Variants in DOCK8 observed in about 807,000 individuals in gnomAD.
The protein encoded by DOCK8 is dedicator of cytokinesis protein 8.
In DOCK8, 141 loss-of-function variants were observed where a neutral mutation model predicts 245.6. The observed-to-expected ratio is 0.57, with a 90% CI of 0.50 to 0.66. The LOEUF is 0.66. Among genes scored for constraint, DOCK8 ranks in the 30% least tolerant of loss-of-function variants. DOCK8 has a pLI of 0.00. For missense variants in DOCK8, 2,965 were observed against 2,603.4 expected, an observed-to-expected ratio of 1.14 and a Z score of -3.02; for synonymous variants, 1,168 against 970.2, an observed-to-expected ratio of 1.20 and a Z score of -3.79.
At chr9:366,878 T>G (rs2053027049) in intron 14 of DOCK8, among the ~76,000 whole-genome samples, 1 of 152,154 alleles carries the variant, frequency 6.6e-6, no homozygotes, top group Non-Finnish European at 1.5e-5. Context: ...AAGGCAAACT[T>G]GTCCCTGAGA....
At chr9:308,860 T>C (rs2049968245) in intron 5 of DOCK8, among the ~76,000 whole-genome samples, 3 of 152,170 alleles carry the variant, frequency 2.0e-5, no homozygotes, top group Admixed American at 1.3e-4. Context: ...GGTTTCACCA[T>C]GTTAGCCAGG....
intron 14 of DOCK8, among the ~76,000 whole-genome samples, chr9:341,460 G>T (rs2051586598): frequency 6.6e-6 from 1 of 152,180 alleles, no homozygotes; most frequent in African/African-American, 2.4e-5. Context: ...ATCCAGAAAT[G>T]ACATTGTTGT....
At chr9:446,128 T>A (rs1204427080) in intron 43 of DOCK8, among the ~76,000 whole-genome samples, 1 of 152,230 alleles carries the variant, frequency 6.6e-6, no homozygotes, top group African/African-American at 2.4e-5. Context: ...GCTAGGAAGG[T>A]GCGGCCGGTG....
At chr9:448,028 T>A (rs575747273) in intron 44 of DOCK8, among the ~76,000 whole-genome samples, 1 of 122,756 alleles carries the variant, frequency 8.1e-6, no homozygotes, top group Non-Finnish European at 1.9e-5. Flanking sequence ...CTTTTCTTCA[T>A]TCCTGCCTTC....
In DOCK8 at chr9:275,600, AT is replaced by A. The variant is rs1397076106; in HGVS notation, c.156+3877del. 3.3e-5 allele frequency among the ~76,000 whole-genome samples: 5 copies of A among 152,228 alleles called. No homozygotes were observed. In the East Asian group the frequency reaches 9.6e-4, roughly 29 times the overall value. ...ATTTATTTATTTAAAATTTTAATGTATTTTTTGAGATGGAGTCTCGCTCTGT... is the reference window on the plus strand; with the variant it reads ...ATTTATTTATTTAAAATTTTAATGTATTTTTGAGATGGAGTCTCGCTCTGT... On this transcript the variant is annotated intron_variant, in intron 2 of 47. Transcript: ENST00000432829.
chr9:371,238 T>C (rs1005645725), intron 16 of DOCK8, among the ~76,000 whole-genome samples, 190 bp from the exon 17 acceptor site: 1 of 152,162 alleles, frequency 6.6e-6, no homozygotes, highest in Non-Finnish European at 1.5e-5. Flanking sequence ...TGAACAGTTT[T>C]ATGTAAGGGA....
chr9:304,210 A>G (rs913800733), intron 4 of DOCK8, among the ~76,000 whole-genome samples: 2 of 152,224 alleles, frequency 1.3e-5, no homozygotes, highest in Non-Finnish European at 2.9e-5. Context: ...TTTATCTTCA[A>G]ACGATCTCTA....
chr9:405,804 T>C (rs989153814), intron 27 of DOCK8, among the ~76,000 whole-genome samples: 23 of 152,252 alleles, frequency 1.5e-4, no homozygotes, highest in Non-Finnish European at 1.5e-5. Context: ...ATATGCCATA[T>C]GGCATGATCC....
In DOCK8 at chr9:399,194, T is replaced by C. The variant is rs557751601; in HGVS notation, c.3169T>C (p.Tyr1057His). Residue 1057 changes from tyrosine to histidine, a missense_variant, in exon 26 of 48, where the codon TAT becomes CAT. Tyr to His is a moderately conservative substitution (Grantham distance 83, BLOSUM62 2). Around this residue, in one of 3 missense-constraint regions of DOCK8, gnomAD observed 2,825 missense variants for 2,453.5 expected, o/e 1.15. Coordinates refer to ENST00000432829, the MANE Select transcript of DOCK8 (RefSeq NM_203447.4). Reference sequence around the variant, plus strand: ...GAACATCAGCCTGGCTTTCTTCTTGTATGACCTTCTCTCCCTCATGGATCG... The same window carrying C: ...GAACATCAGCCTGGCTTTCTTCTTGCATGACCTTCTCTCCCTCATGGATCG... ...KMNISLAFFL[Y>H]DLLSLMDRGF... 34 of 1,613,982 alleles carry C rather than the reference T, an allele frequency of 2.1e-5. 1 individual carries two copies. The South Asian group carries it at 3.5e-4, about 17-fold the overall frequency.
intron 21 of DOCK8, among the ~76,000 whole-genome samples, chr9:381,934 T>G (rs900671646): frequency 8.0e-5 from 12 of 150,762 alleles, no homozygotes; most frequent in African/African-American, 3.0e-4. Flanking sequence ...CACTCCAGCC[T>G]GGAGGACAAA....
intron 30 of DOCK8, chr9:420,158 G>C (rs532209186): frequency 1.1e-5 from 6 of 566,806 alleles, no homozygotes; most frequent in African/African-American, 7.5e-5. Flanking sequence ...GTGGCTGAAA[G>C]CCTAGCTCAA....
rs990080067 is a variant in DOCK8, at chr9:367,877, C to G, written c.1680-141C>G. 1.7e-5 allele frequency: 12 copies of G among 695,960 alleles called. No homozygotes were observed. In the African/African-American group the frequency reaches 2.1e-4, roughly 12 times the overall value. The allele number at this position is 695,960 out of a possible 1,614,324, so 43.1% of individuals were successfully genotyped here. On this transcript the variant is annotated intron_variant, in intron 14 of 47. Transcript: ENST00000432829. ...GAGGAAGAATCAAGTAATTCACTCC[C>G]CCCAATAATAATTCACTTCTGAGAG...
chr9:244,296 AC>A (rs1161516756), intron 1 of DOCK8, among the ~76,000 whole-genome samples: 1 of 151,912 alleles, frequency 6.6e-6, no homozygotes, highest in East Asian at 1.9e-4. Context: ...ACACACACGC[AC>A]ACACATATAT....
At chr9:284,900 A>G (rs1230446191) in intron 2 of DOCK8, among the ~76,000 whole-genome samples, 2 of 152,196 alleles carry the variant, frequency 1.3e-5, no homozygotes, top group African/African-American at 4.8e-5. Flanking sequence ...ATGAGAACTT[A>G]CCAACACAAA....
intron 26 of DOCK8, among the ~76,000 whole-genome samples, chr9:400,294 ACCACCATCTTCACCG>A (rs2054818705): frequency 4.8e-4 from 35 of 72,638 alleles, no homozygotes; most frequent in Non-Finnish European, 8.3e-4. Flanking sequence ...CTTCACCACC[ACCACCATCTTCACCG>A]TCACCACCAC....
chr9:236,908 A>G (rs1395349534), intron 1 of DOCK8, among the ~76,000 whole-genome samples: 1 of 152,150 alleles, frequency 6.6e-6, no homozygotes, highest in African/African-American at 2.4e-5. Context: ...AAATACCTCC[A>G]CTCAACACTG....
chr9:365,588 C>A, intron 14 of DOCK8: 1 of 417,338 alleles, frequency 2.4e-6, no homozygotes. Context: ...TTTTTTTTTT[C>A]AGAGAAGTCT....
At chr9:340,735 T>C in intron 14 of DOCK8, 1 of 189,534 alleles carries the variant, frequency 5.3e-6, no homozygotes, top group South Asian at 1.0e-4. Flanking sequence ...CTTCCTAAGT[T>C]TCAGGGAAAT....
intron 9 of DOCK8, among the ~76,000 whole-genome samples, chr9:330,444 A>T (rs2130845013): frequency 6.6e-6 from 1 of 152,290 alleles, no homozygotes; most frequent in East Asian, 1.9e-4. Context: ...TTTACAATCC[A>T]GTTAAAAAAA....
Sources: gnomAD v4.1 joint callset for allele counts (sites outside exome capture counted in the v4.1 genomes callset) on GRCh38, gnomAD v4.1.1 for gene constraint, gnomAD v4.1.1 regional missense constraint, MANE v1.5 for transcripts, NCBI Gene and HGNC (gene_info 2026-07-23, HGNC 2026-07-21) for gene names.